NHLH1: variants seen among roughly 807,000 people sequenced by gnomAD.
NHLH1 encodes nescient helix-loop-helix 1, also known as helix-loop-helix protein 1.
In NHLH1, 3 loss-of-function variants were observed where a neutral mutation model predicts 6.7. That is an observed-to-expected ratio of 0.44 (90% CI 0.20 to 1.15). NHLH1 has a LOEUF of 1.15. Ranked by LOEUF, NHLH1 falls within the 50% of genes most tolerant of loss-of-function variation. The pLI is 0.26. For missense variants in NHLH1, 177 were observed against 189.5 expected, an observed-to-expected ratio of 0.93 and a Z score of 0.39; for synonymous variants, 92 against 84.2, an observed-to-expected ratio of 1.09 and a Z score of -0.51.
chr1:160,370,036 T>C (rs1023019664), intron 1 of NHLH1, among the ~76,000 whole-genome samples: 1 of 152,228 alleles, frequency 6.6e-6, no homozygotes, highest in South Asian at 2.1e-4. Context: ...TTATCAGATA[T>C]ATAATTTGCA....
intron 1 of NHLH1, among the ~76,000 whole-genome samples, chr1:160,370,070 T>A (rs1649588054): frequency 6.6e-6 from 1 of 152,206 alleles, no homozygotes; most frequent in Non-Finnish European, 1.5e-5. Context: ...ATTCCATAGA[T>A]TGCCTTTTCA....
chr1:160,371,052 C>A lies in NHLH1; in HGVS notation c.321C>A (p.Pro107=), dbSNP rs534495739. ...ELRKLLPTLP[P]DKKLSKIEIL... ...GCAAGCTGCTGCCTACGCTGCCCCC[C>A]GACAAGAAGCTCTCCAAGATTGAGA... The change falls in exon 2 of 2, where the codon CCC becomes CCA. Residue 107 remains proline (P), a synonymous_variant. Transcript: ENST00000302101. 2.5e-6 allele frequency: 4 copies of A among 1,614,082 alleles called. No homozygotes were observed. The highest frequency in any genetic ancestry group is 1.7e-5 in the Admixed American group (1 of 60,018).
At chr1:160,370,520 C>T in intron 1 of NHLH1, 37 bp from the exon 2 acceptor site, 1 of 538,246 alleles carries the variant, frequency 1.9e-6, no homozygotes, top group East Asian at 3.6e-5. Context: ...ATTCCCTCCT[C>T]CCTCCGCTGC....
chr1:160,370,618 G>A lies in NHLH1; in HGVS notation c.-114G>A. ...TGGCAGTGACTTCTAGAGCTCAGTG[G>A]CAGACCCCACGACCCTTCCTCCCCC... On this transcript the variant is annotated 5_prime_UTR_variant, in exon 2 of 2. Coordinates refer to ENST00000302101, the MANE Select transcript of NHLH1 (RefSeq NM_005598.4). 1.0e-6 allele frequency: 1 copy of A among 1,002,306 alleles called. No individual in the cohort carries two copies. Among genetic ancestry groups the A allele is most frequent in the Non-Finnish European group, 1.5e-6 (1 of 677,422 alleles). The allele number at this position is 1,002,306 out of a possible 1,614,324, so 62.1% of individuals were successfully genotyped here.
chr1:160,370,645 TCCTCCCCCTC>T lies in NHLH1; in HGVS notation c.-84_-75del. 1 of 1,394,968 alleles carries T rather than the reference TCCTCCCCCTC, an allele frequency of 7.2e-7. No homozygotes were observed. The highest frequency in any genetic ancestry group is 1.3e-5 in the South Asian group (1 of 76,762). 86.4% of individuals were successfully genotyped at this position (1,394,968 alleles called of 1,614,324 possible). A position where few individuals can be genotyped will look rare whatever the true frequency, so the allele number is the denominator to read the frequency against. ...AGACCCCACGACCCTTCCTCCCCCT[TCCTCCCCCTC>T]CCACCACCAGCTTTCAAGCTCCCAG... is the stretch of plus-strand genomic sequence containing the variant. On this transcript the variant is annotated 5_prime_UTR_variant, in exon 2 of 2. Transcript: ENST00000302101.
At chr1:160,370,296 C>T (rs934531138) in intron 1 of NHLH1, among the ~76,000 whole-genome samples, 1 of 152,038 alleles carries the variant, frequency 6.6e-6, no homozygotes, top group African/African-American at 2.4e-5. Context: ...GTATCCTTCT[C>T]ATCACTTCTG....
chr1:160,372,139 T>G lies in NHLH1; in HGVS notation c.*1006T>G, dbSNP rs141194921. ...ACTTACTTATTACATTTTTTTCTCT[T>G]TCCTTGAGCTGCCTTTGGCAAGGGA... On this transcript the variant is annotated 3_prime_UTR_variant, in exon 2 of 2. Transcript: ENST00000302101. The G allele has an allele frequency of 1.6e-3, 261 of 167,120 alleles. 1 individual carries two copies. Among genetic ancestry groups the G allele is most frequent in the African/African-American group, 6.0e-3 (251 of 41,542 alleles). The allele number at this position is 167,120 out of a possible 1,614,324, so 10.4% of individuals were successfully genotyped here. A position where few individuals can be genotyped will look rare whatever the true frequency, so the allele number is the denominator to read the frequency against.
chr1:160,371,052 C>T lies in NHLH1; in HGVS notation c.321C>T (p.Pro107=), dbSNP rs534495739. The T allele has an allele frequency of 2.5e-6, 4 of 1,614,082 alleles. No individual in the cohort carries two copies. The highest frequency in any genetic ancestry group is 3.4e-6 in the Non-Finnish European group (4 of 1,179,992). The part of the protein sequence containing the change: ...ELRKLLPTLP[P]DKKLSKIEIL... ...GCAAGCTGCTGCCTACGCTGCCCCC[C>T]GACAAGAAGCTCTCCAAGATTGAGA... is the stretch of plus-strand genomic sequence containing the variant. Residue 107 remains proline (P), a synonymous_variant, in exon 2 of 2, where the codon CCC becomes CCT. Coordinates refer to ENST00000302101, the MANE Select transcript of NHLH1 (RefSeq NM_005598.4).
intron 1 of NHLH1, among the ~76,000 whole-genome samples, chr1:160,368,761 T>G (rs1649555119): frequency 6.6e-6 from 1 of 152,052 alleles, no homozygotes; most frequent in South Asian, 2.1e-4. Context: ...GGGCAATCTG[T>G]GTGTTTATCC....
Position 160,371,055 on chromosome 1 carries a change from CAAG to C in NHLH1, c.328_330del (p.Lys110del), listed in dbSNP as rs1649615365. On this transcript the variant is annotated inframe_deletion, in exon 2 of 2. Transcript: ENST00000302101. Reference sequence around the variant, plus strand: ...AGCTGCTGCCTACGCTGCCCCCCGACAAGAAGCTCTCCAAGATTGAGATTCTGC... The same window carrying C: ...AGCTGCTGCCTACGCTGCCCCCCGACAAGCTCTCCAAGATTGAGATTCTGC... 1 of 1,614,132 alleles carries C rather than the reference CAAG, an allele frequency of 6.2e-7. No individual in the cohort carries two copies. Among genetic ancestry groups the C allele is most frequent in the Non-Finnish European group, 8.5e-7 (1 of 1,180,002 alleles).
Position 160,370,714 on chromosome 1 carries a change from G to T in NHLH1, c.-18G>T. ...GTGGGGAGGGGATCCTGATCTCACA[G>T]GGCAGGGGGCTTCCATCATGATGCT... On this transcript the variant is annotated 5_prime_UTR_variant, in exon 2 of 2. The change creates a new upstream start codon in the 5' untranslated region. Transcript: ENST00000302101. 1.9e-6 allele frequency: 3 copies of T among 1,611,524 alleles called. No individual in the cohort carries two copies. The highest frequency in any genetic ancestry group is 1.7e-6 in the Non-Finnish European group (2 of 1,179,158).
Position 160,371,317 on chromosome 1 carries a change from G to A in NHLH1, c.*184G>A. The A allele has an allele frequency of 1.1e-6, 1 of 936,270 alleles. No homozygotes were observed. Among genetic ancestry groups the A allele is most frequent in the Non-Finnish European group, 1.5e-6 (1 of 650,828 alleles). The allele number at this position is 936,270 out of a possible 1,614,324, so 58.0% of individuals were successfully genotyped here. Reference sequence around the variant, plus strand: ...TTCCTTTCTCTGACCCAGGCACCTCGAGGGCTATTCTCCTGGGTTCCTTCC... The same window carrying A: ...TTCCTTTCTCTGACCCAGGCACCTCAAGGGCTATTCTCCTGGGTTCCTTCC... On this transcript the variant is annotated 3_prime_UTR_variant, in exon 2 of 2. Coordinates refer to ENST00000302101, the MANE Select transcript of NHLH1 (RefSeq NM_005598.4).
rs1649623439 is a variant in NHLH1, at chr1:160,371,343, G to A, written c.*210G>A. 8.4e-6 allele frequency: 6 copies of A among 716,632 alleles called. No homozygotes were observed. Among genetic ancestry groups the A allele is most frequent in the South Asian group, 7.3e-5 (3 of 41,068 alleles). 44.4% of individuals were successfully genotyped at this position (716,632 alleles called of 1,614,324 possible). The stretch of plus-strand genomic sequence containing the variant: ...AGGGCTATTCTCCTGGGTTCCTTCC[G>A]GGGTTTATTGCTGAGGCCCAGCTGT... On this transcript the variant is annotated 3_prime_UTR_variant, in exon 2 of 2. Coordinates refer to ENST00000302101, the MANE Select transcript of NHLH1 (RefSeq NM_005598.4).
Position 160,370,944 on chromosome 1 carries a change from C to T in NHLH1, c.213C>T (p.Arg71=), listed in dbSNP as rs368145612. The T allele has an allele frequency of 1.4e-5, 22 of 1,610,274 alleles. No homozygotes were observed. The highest frequency in any genetic ancestry group is 5.3e-5 in the African/African-American group (4 of 74,780). Residue 71 remains arginine, a synonymous_variant, in exon 2 of 2, where the codon CGC becomes CGT. Transcript: ENST00000302101. ...GCGAGGAGCGCCGGCGCCGGCGCCGCGCCACAGCCAAGTACCGCACGGCCC... is the reference window on the plus strand; with the variant it reads ...GCGAGGAGCGCCGGCGCCGGCGCCGTGCCACAGCCAAGTACCGCACGGCCC... The part of the protein sequence containing the change: ...LSREERRRRR[R]ATAKYRTAHA...
In NHLH1 at chr1:160,372,548, C is replaced by T. The variant is rs1649652246; in HGVS notation, c.*1415C>T. 6.0e-6 allele frequency: 1 copy of T among 166,934 alleles called. No homozygotes were observed. Among genetic ancestry groups the T allele is most frequent in the Non-Finnish European group, 1.5e-5 (1 of 68,114 alleles). The allele number at this position is 166,934 out of a possible 1,614,324, so 10.3% of individuals were successfully genotyped here. ...GTGTGAGCATGCCCTTTGCTTGCCA[C>T]ACCATATCCTTTCCCCAGATCCACC... is the stretch of plus-strand genomic sequence containing the variant. On this transcript the variant is annotated 3_prime_UTR_variant, in exon 2 of 2. Coordinates refer to ENST00000302101, the MANE Select transcript of NHLH1 (RefSeq NM_005598.4).
Position 160,371,137 on chromosome 1 carries a change from C to CA in NHLH1, c.*5dup. The CA allele has an allele frequency of 6.3e-7, 1 of 1,598,338 alleles. No individual in the cohort carries two copies. The highest frequency in any genetic ancestry group is 8.5e-7 in the Non-Finnish European group (1 of 1,171,628). ...GAACCACGTGCTGGACGTCTGAACT[C>CA]AGCCTGTCTCCCACCTCCCGGGCCT... On this transcript the variant is annotated 3_prime_UTR_variant, in exon 2 of 2. Coordinates refer to ENST00000302101, the MANE Select transcript of NHLH1 (RefSeq NM_005598.4).
intron 1 of NHLH1, among the ~76,000 whole-genome samples, chr1:160,368,753 G>A (rs1385260142): frequency 6.6e-6 from 1 of 152,144 alleles, no homozygotes; most frequent in Non-Finnish European, 1.5e-5. Context: ...TCTACAATGG[G>A]CAATCTGTGT....
chr1:160,372,455 C>A lies in NHLH1; in HGVS notation c.*1322C>A, dbSNP rs921550544. On this transcript the variant is annotated 3_prime_UTR_variant, in exon 2 of 2. Coordinates refer to ENST00000302101, the MANE Select transcript of NHLH1 (RefSeq NM_005598.4). ...AGTGAGGGGCTCCCAGCAGCTCTAG[C>A]TGGGTCTCTCTTGCTTCCTCCCTGC... 1.2e-5 allele frequency: 2 copies of A among 167,042 alleles called. No homozygotes were observed. Among genetic ancestry groups the A allele is most frequent in the African/African-American group, 4.8e-5 (2 of 41,400 alleles). The allele number at this position is 167,042 out of a possible 1,614,324, so 10.3% of individuals were successfully genotyped here.
At chr1:160,369,129 G>A (rs1450522179) in intron 1 of NHLH1, among the ~76,000 whole-genome samples, 2 of 152,172 alleles carry the variant, frequency 1.3e-5, no homozygotes, top group East Asian at 3.9e-4. Context: ...CCTGGCAACG[G>A]CCATTCTACT....
Sources: gnomAD v4.1 joint callset for allele counts (sites outside exome capture counted in the v4.1 genomes callset) on GRCh38, gnomAD v4.1.1 for gene constraint, MANE v1.5 for transcripts, NCBI Gene and HGNC (gene_info 2026-07-23, HGNC 2026-07-21) for gene names.